Variants in ADCY5 observed in about 807,000 individuals in gnomAD.
ADCY5 encodes adenylate cyclase 5.
A neutral mutation model predicts 119.7 loss-of-function variants in ADCY5; 30 were observed. The observed-to-expected ratio is 0.25, with a 90% CI of 0.19 to 0.34. The LOEUF (loss-of-function observed/expected upper bound fraction) is 0.34. Among genes scored for constraint, ADCY5 ranks in the 10% least tolerant of loss-of-function variants. The pLI is 1.00. For synonymous variants in ADCY5, 753 were observed against 762.2 expected, an observed-to-expected ratio of 0.99 and a Z score of 0.20; for missense variants, 1,324 against 1,775.2, an observed-to-expected ratio of 0.75 and a Z score of 4.57.
chr3:123,329,425 G>T (rs1014071283), intron 5 of ADCY5, among the ~76,000 whole-genome samples: 1 of 152,112 alleles, frequency 6.6e-6, no homozygotes, highest in Non-Finnish European at 1.5e-5. Context: ...TCCATATCTG[G>T]GAGCTCCCAG....
At chr3:123,373,759 C>CA (rs1943720158) in intron 1 of ADCY5, among the ~76,000 whole-genome samples, 14 of 10,868 alleles carry the variant, frequency 1.3e-3, no homozygotes, top group Non-Finnish European at 2.0e-3. Context: ...AAGCATCACG[C>CA]CCCCCCCCCC....
chr3:123,367,531 C>T (rs527588322), intron 1 of ADCY5, among the ~76,000 whole-genome samples: 1 of 152,324 alleles, frequency 6.6e-6, no homozygotes, highest in South Asian at 2.1e-4. Flanking sequence ...CTCCCCCAAG[C>T]TCTCCCACCC....
In ADCY5 at chr3:123,288,127, T is replaced by C. The variant is rs147455137; in HGVS notation, c.3533-1318A>G. 5.4e-3 allele frequency among the ~76,000 whole-genome samples: 826 copies of C among 152,326 alleles called. 9 individuals carry two copies. Among genetic ancestry groups the C allele is most frequent in the African/African-American group, 0.019 (784 of 41,578 alleles). On this transcript the variant is annotated intron_variant, in intron 19 of 20. Transcript: ENST00000462833. Reference sequence around the variant, plus strand: ...CAGCAGCCAGTGCAGGATGCAAACCTGGCCAAGCCCACAAAGCACTGTGCC... The same window carrying C: ...CAGCAGCCAGTGCAGGATGCAAACCCGGCCAAGCCCACAAAGCACTGTGCC...
In ADCY5 at chr3:123,439,076, C is replaced by CTTTTTTTTTTTTTTTTTTTTTTTT; in HGVS notation, c.1134+8335_1134+8336insAAAAAAAAAAAAAAAAAAAAAAAA. Among the ~76,000 whole-genome samples the CTTTTTTTTTTTTTTTTTTTTTTTT allele has an allele frequency of 4.5e-4, 29 of 64,732 alleles. 7 individuals are homozygous for CTTTTTTTTTTTTTTTTTTTTTTTT. The highest frequency in any genetic ancestry group is 0.05 in the Middle Eastern group (2 of 40). The allele number at this position is 64,732 out of a possible 152,430, so 42.5% of individuals were successfully genotyped here. ...CCCACTGTGCCCAGACCCTAAAGTG[C>CTTTTTTTTTTTTTTTTTTTTTTTT]TTTTTTTTTTGAGATGGAGTCTCGC... On this transcript the variant is annotated intron_variant, in intron 1 of 20. Coordinates refer to ENST00000462833, the MANE Select transcript of ADCY5 (RefSeq NM_183357.3).
intron 1 of ADCY5, among the ~76,000 whole-genome samples, chr3:123,381,852 T>C (rs1451956507): frequency 6.6e-6 from 1 of 152,170 alleles, no homozygotes; most frequent in African/African-American, 2.4e-5. Flanking sequence ...TGTACTCTCT[T>C]TTCAACAAAG....
At chr3:123,417,028 C>T (rs1945199221) in intron 1 of ADCY5, among the ~76,000 whole-genome samples, 1 of 152,154 alleles carries the variant, frequency 6.6e-6, no homozygotes, top group African/African-American at 2.4e-5. Context: ...CTTCCAGCCT[C>T]CAGAACTGTG....
At chr3:123,378,930 T>C (rs1163984609) in intron 1 of ADCY5, among the ~76,000 whole-genome samples, 1 of 152,206 alleles carries the variant, frequency 6.6e-6, no homozygotes, top group East Asian at 1.9e-4. Context: ...TCAATTATTA[T>C]AGATGGAGAA....
At chr3:123,409,200 G>A (rs557438282) in intron 1 of ADCY5, among the ~76,000 whole-genome samples, 11 of 152,160 alleles carry the variant, frequency 7.2e-5, no homozygotes, top group Admixed American at 2.0e-4. Context: ...TCTGACCTTG[G>A]GTTTTTAGAA....
intron 1 of ADCY5, among the ~76,000 whole-genome samples, chr3:123,373,318 C>T (rs1406626810): frequency 6.6e-6 from 1 of 152,228 alleles, no homozygotes; most frequent in Non-Finnish European, 1.5e-5. Flanking sequence ...TATAAATCAT[C>T]TAGCGCATTT....
At chr3:123,423,775 C>T (rs937898745) in intron 1 of ADCY5, among the ~76,000 whole-genome samples, 6 of 152,154 alleles carry the variant, frequency 3.9e-5, no homozygotes, top group Admixed American at 1.3e-4. Context: ...GAAGGGTTCT[C>T]GGGTATGAGG....
chr3:123,370,185 G>C (rs1437217100), intron 1 of ADCY5, among the ~76,000 whole-genome samples: 1 of 152,182 alleles, frequency 6.6e-6, no homozygotes, highest in Non-Finnish European at 1.5e-5. Context: ...TACTCTCTAG[G>C]CCCCTGGAAA....
chr3:123,315,865 G>A (rs535336265), intron 11 of ADCY5, among the ~76,000 whole-genome samples: 6 of 152,230 alleles, frequency 3.9e-5, no homozygotes, highest in Middle Eastern at 3.4e-3. Flanking sequence ...GATTACAGAC[G>A]TGAGCCACTG....
At chr3:123,347,647 G>A in intron 3 of ADCY5, 135 bp downstream of exon 3, 1 of 1,149,652 alleles carries the variant, frequency 8.7e-7, no homozygotes. Context: ...GGTGGGGCTG[G>A]CATGCTCTAG....
At chr3:123,385,284 G>GACACACACACACACACACAC (rs146450872) in intron 1 of ADCY5, among the ~76,000 whole-genome samples, 1 of 142,006 alleles carries the variant, frequency 7.0e-6, no homozygotes, top group Non-Finnish European at 1.5e-5. Flanking sequence ...GTCCACTGCA[G>GACACACACACACACACACAC]ACACACACGC....
intron 1 of ADCY5, among the ~76,000 whole-genome samples, chr3:123,360,350 C>G (rs576041719): frequency 6.6e-6 from 1 of 152,220 alleles, no homozygotes; most frequent in South Asian, 2.1e-4. Context: ...TAGGATCTAG[C>G]TGCTCTGGGA....
In ADCY5 at chr3:123,350,343, G is replaced by C. The variant is rs542632599; in HGVS notation, c.1284+2089C>G. On this transcript the variant is annotated intron_variant, in intron 2 of 20. Coordinates refer to ENST00000462833, the MANE Select transcript of ADCY5 (RefSeq NM_183357.3). ...TCGAGAAGCTGACACATTAGTGAAG[G>C]GCGGTGTTCTCTGTGGGTCGGTCTG... Among the ~76,000 whole-genome samples the C allele has an allele frequency of 2.6e-5, 4 of 152,342 alleles. No homozygotes were observed. In the South Asian group the frequency reaches 8.3e-4, roughly 32 times the overall value.
intron 12 of ADCY5, among the ~76,000 whole-genome samples, chr3:123,311,852 C>G (rs544224012): frequency 6.6e-6 from 1 of 152,252 alleles, no homozygotes; most frequent in African/African-American, 2.4e-5. Context: ...CCGGCCCCTC[C>G]CCCACCCAAG....
chr3:123,342,321 G>A (rs13078718), intron 3 of ADCY5, among the ~76,000 whole-genome samples: 67,984 of 152,030 alleles, frequency 0.45, 16,763 homozygotes, highest in East Asian at 0.7. Context: ...AGAGCAACCT[G>A]GGGAATGCAG....
At chr3:123,399,184 C>T (rs1188080882) in intron 1 of ADCY5, among the ~76,000 whole-genome samples, 2 of 152,212 alleles carry the variant, frequency 1.3e-5, no homozygotes, top group Non-Finnish European at 2.9e-5. Context: ...ATTCCAAAGA[C>T]TTGATGTGAA....
Sources: gnomAD v4.1 joint callset for allele counts (sites outside exome capture counted in the v4.1 genomes callset) on GRCh38, gnomAD v4.1.1 for gene constraint, MANE v1.5 for transcripts, NCBI Gene and HGNC (gene_info 2026-07-23, HGNC 2026-07-21) for gene names.